PTPN23: variants seen among roughly 807,000 people sequenced by gnomAD.
PTPN23 encodes protein tyrosine phosphatase non-receptor type 23, also known as tyrosine-protein phosphatase non-receptor type 23.
Under a neutral mutation model 156.3 loss-of-function variants are expected in PTPN23, and 72 were observed. That is an observed-to-expected ratio of 0.46 (90% CI 0.38 to 0.56). The LOEUF (loss-of-function observed/expected upper bound fraction) is 0.56, where lower values mean the gene tolerates loss of function less well. PTPN23 is among the 20% of genes least tolerant of loss of function. PTPN23 has a pLI of 0.00. For missense variants in PTPN23, 1,974 were observed against 2,171.5 expected (o/e 0.91, Z 1.81); for synonymous variants, 957 against 899.6 (o/e 1.06, Z -1.14).
intron 1 of PTPN23, among the ~76,000 whole-genome samples, chr3:47,383,406 TTTCTC>T (rs1704589324): frequency 6.6e-6 from 1 of 152,234 alleles, no homozygotes; most frequent in African/African-American, 2.4e-5. Flanking sequence ...TGGATTAATC[TTTCTC>T]TTCTCTTAAT....
chr3:47,397,149 A>G (rs1490714332), intron 2 of PTPN23, among the ~76,000 whole-genome samples: 1 of 152,232 alleles, frequency 6.6e-6, no homozygotes, highest in East Asian at 1.9e-4. Context: ...GGTGCAATTC[A>G]TGGCACCAAA....
intron 17 of PTPN23, 40 bp downstream of exon 17, chr3:47,409,357 GCC>G: frequency 6.2e-7 from 1 of 1,613,248 alleles, no homozygotes; most frequent in Non-Finnish European, 8.5e-7. Flanking sequence ...CTGGCTCCGG[GCC>G]CCACCCTTAG....
At chr3:47,395,613 C>T (rs1196133625) in intron 1 of PTPN23, among the ~76,000 whole-genome samples, 1 of 152,242 alleles carries the variant, frequency 6.6e-6, no homozygotes, top group Non-Finnish European at 1.5e-5. Context: ...TCTCCTCACA[C>T]AGCTGCAAGT....
At position 47,405,009 on chromosome 3, in the gene PTPN23, G is replaced by C; in HGVS notation, c.292G>C (p.Glu98Gln). Residue 98 changes from glutamate (E) to glutamine (Q), a missense_variant, in exon 4 of 25, where the codon GAG becomes CAG. Transcript: ENST00000265562. The surrounding 1 kb of genome is among the most constrained non-coding windows in gnomAD (Gnocchi z 4.7). Reference protein sequence around the residue: ...QEAAVPVTWTEIFSGKSVAHE... With the variant: ...QEAAVPVTWTQIFSGKSVAHE... ...ACTGGGGTGCCATGTCTGCAGGACAGAGATCTTCTCAGGCAAGTCTGTGGC... is the reference window on the plus strand; with the variant it reads ...ACTGGGGTGCCATGTCTGCAGGACACAGATCTTCTCAGGCAAGTCTGTGGC... The C allele has an allele frequency of 1.2e-6, 2 of 1,614,218 alleles. No homozygotes were observed. The highest frequency in any genetic ancestry group is 1.7e-6 in the Non-Finnish European group (2 of 1,180,042).
intron 1 of PTPN23, among the ~76,000 whole-genome samples, chr3:47,393,204 G>A (rs59776803): frequency 1.3e-5 from 2 of 152,184 alleles, no homozygotes; most frequent in African/African-American, 4.8e-5. Flanking sequence ...CAAGGCTGGA[G>A]TGCAGTGTTG....
rs371105163 is a variant in PTPN23, at chr3:47,410,913, C to G, written c.3115C>G (p.Pro1039Ala). 1.5e-5 allele frequency: 24 copies of G among 1,611,640 alleles called. No homozygotes were observed. Among genetic ancestry groups the G allele is most frequent in the Non-Finnish European group, 1.9e-5 (22 of 1,179,056 alleles). ...AHSGALPFPS[P>A]GPPQPPHPPL... ...CTCAGGGGCTCTGCCTTTCCCCAGC[C>G]CTGGGCCCCCTCAGCCTCCCCATCC... is the stretch of plus-strand genomic sequence containing the variant. Residue 1039 changes from proline to alanine, a missense_variant, in exon 20 of 25, where the codon CCT (proline) becomes GCT (alanine). By Grantham distance (27) the Pro-to-Ala change is conservative (BLOSUM62 -1). This residue lies in a region of PTPN23 where 731 missense variants were observed against 669.1 expected (regional missense o/e 1.09). Coordinates refer to ENST00000265562, the MANE Select transcript of PTPN23 (RefSeq NM_015466.4).
chr3:47,396,308 T>C, intron 2 of PTPN23, 91 bp downstream of exon 2: 1 of 1,048,742 alleles, frequency 9.5e-7, no homozygotes, highest in Non-Finnish European at 1.4e-6. Flanking sequence ...GCATGGTGGC[T>C]CAACGCCTAT....
In PTPN23 at chr3:47,406,425, G is replaced by A; in HGVS notation, c.627+20G>A. The A allele has an allele frequency of 6.2e-7, 1 of 1,613,958 alleles. No homozygotes were observed. The highest frequency in any genetic ancestry group is 8.5e-7 in the Non-Finnish European group (1 of 1,180,004). The stretch of plus-strand genomic sequence containing the variant: ...GCACAGGTAGGGACGGGGCTGAGGG[G>A]AGGCCTTCACTTTACTGCTGACTCC... On this transcript the variant is annotated intron_variant, in intron 7 of 24. Coordinates refer to ENST00000265562, the MANE Select transcript of PTPN23 (RefSeq NM_015466.4). This position sits in a 1 kb window ranked among gnomAD's most constrained non-coding sequence, Gnocchi z 5.8.
intron 1 of PTPN23, among the ~76,000 whole-genome samples, chr3:47,395,158 TG>T (rs1704852768): frequency 6.6e-6 from 1 of 152,194 alleles, no homozygotes; most frequent in South Asian, 2.1e-4. Context: ...TCCTGGGTCC[TG>T]GGAAGGGACC....
intron 1 of PTPN23, among the ~76,000 whole-genome samples, chr3:47,393,370 C>G (rs780249327): frequency 6.6e-5 from 10 of 152,154 alleles, no homozygotes; most frequent in Non-Finnish European, 1.2e-4. Context: ...TCAGGCTGGT[C>G]TCGAACTCCT....
intron 1 of PTPN23, among the ~76,000 whole-genome samples, chr3:47,387,485 G>T (rs536959261): frequency 6.4e-4 from 97 of 151,810 alleles, no homozygotes; most frequent in Middle Eastern, 3.4e-3. Flanking sequence ...AGGCTGAGGT[G>T]GGGGGTATGG....
chr3:47,387,967 C>T (rs557830544), intron 1 of PTPN23, among the ~76,000 whole-genome samples: 1 of 152,286 alleles, frequency 6.6e-6, no homozygotes, highest in South Asian at 2.1e-4. Context: ...TCTCACCTAG[C>T]TACAAAATTC....
intron 1 of PTPN23, 22 bp downstream of exon 1, chr3:47,381,202 C>A: frequency 6.4e-7 from 1 of 1,564,336 alleles, no homozygotes; most frequent in Non-Finnish European, 8.7e-7. Flanking sequence ...TTCCATCTTC[C>A]CCCCTATCCG....
At chr3:47,402,276 T>TTTATTA (rs1013391683) in intron 2 of PTPN23, among the ~76,000 whole-genome samples, 1 of 151,748 alleles carries the variant, frequency 6.6e-6, no homozygotes, top group African/African-American at 2.4e-5. Context: ...TATCTATTTA[T>TTTATTA]TTATTATTAT....
intron 1 of PTPN23, among the ~76,000 whole-genome samples, chr3:47,382,429 C>T (rs56079439): frequency 4.6e-5 from 7 of 150,538 alleles, no homozygotes; most frequent in Non-Finnish European, 8.8e-5. Context: ...TTAAGCGATT[C>T]TCCTGCCTCA....
rs1705236098 is a variant in PTPN23 at position 47,410,199 on chromosome 3, C to T, written c.2401C>T (p.Gln801Ter). ...CCCTGGTACCTACTCGGGCCCCACCCAGCTGATACAGCCCAGGGCCCCAGG... is the reference window on the plus strand; with the variant it reads ...CCCTGGTACCTACTCGGGCCCCACCTAGCTGATACAGCCCAGGGCCCCAGG... ...LPPGTYSGPT[Q>*]LIQPRAPGPH... is the part of the protein sequence containing the mutation. The change falls in exon 20 of 25, where the codon CAG becomes TAG. Residue 801 changes from glutamine to a stop codon, truncating the protein, a stop_gained. Coordinates refer to ENST00000265562, the MANE Select transcript of PTPN23 (RefSeq NM_015466.4). LOFTEE classifies it high-confidence loss of function. 8 of 1,609,138 alleles carry T rather than the reference C, an allele frequency of 5.0e-6. No homozygotes were observed. The highest frequency in any genetic ancestry group is 6.8e-6 in the Non-Finnish European group (8 of 1,177,352).
chr3:47,409,067 C>T lies in PTPN23; in HGVS notation c.1622C>T (p.Pro541Leu). 6.2e-7 allele frequency: 1 copy of T among 1,612,254 alleles called. No homozygotes were observed. The highest frequency in any genetic ancestry group is 1.7e-4 in the Middle Eastern group (1 of 6,056). ...CTTGACCAGGTCCGGGCTGCCCTGC[C>T]CACACCGGCCCTCTCCCCAGGTGAG... ...GPLDQVRAAL[P>L]TPALSPEDKA... The change falls in exon 16 of 25, where the codon CCC (proline) becomes CTC (leucine). Residue 541 changes from proline to leucine, a missense_variant. Around this residue, in one of 4 missense-constraint regions of PTPN23, gnomAD observed 726 missense variants for 929.5 expected, o/e 0.78. Coordinates refer to ENST00000265562, the MANE Select transcript of PTPN23 (RefSeq NM_015466.4).
chr3:47,410,653 GGCCCCAGCCCCA>G lies in PTPN23; in HGVS notation c.2862_2873del (p.Gln954_Pro957del), dbSNP rs552397269. On this transcript the variant is annotated inframe_deletion, in exon 20 of 25. Transcript: ENST00000265562. Reference sequence around the variant, plus strand: ...GCAGGTTTTCCAGCCCCAAGGATTGGGCCCCAGCCCCAGCCCCATCCTCAGCCCCATCCTTCA... The same window carrying G: ...GCAGGTTTTCCAGCCCCAAGGATTGGGCCCCATCCTCAGCCCCATCCTTCA... 20 of 1,610,714 alleles carry G rather than the reference GGCCCCAGCCCCA, an allele frequency of 1.2e-5. No homozygotes were observed. The highest frequency in any genetic ancestry group is 1.5e-5 in the Non-Finnish European group (18 of 1,178,950).
chr3:47,398,847 G>A (rs1704935024), intron 2 of PTPN23, among the ~76,000 whole-genome samples: 1 of 152,252 alleles, frequency 6.6e-6, no homozygotes, highest in South Asian at 2.1e-4. Flanking sequence ...TTAAAGGCAT[G>A]AGCCGCAGCA....
Sources: allele counts gnomAD v4.1 joint callset (sites outside exome capture counted in the v4.1 genomes callset), GRCh38; gene constraint gnomAD v4.1.1; regional missense constraint gnomAD v4.1.1; non-coding constraint Gnocchi (gnomAD v3.1); transcripts MANE v1.5; gene names NCBI Gene and HGNC (gene_info 2026-07-23, HGNC 2026-07-21).